UNC5A: variants seen among roughly 807,000 people sequenced by gnomAD.
UNC5A encodes netrin receptor UNC5A.
A neutral mutation model predicts 87.4 loss-of-function variants in UNC5A; 20 were observed. That is an observed-to-expected ratio of 0.23 (90% CI 0.16 to 0.33). The LOEUF (loss-of-function observed/expected upper bound fraction) is 0.33, where lower values mean the gene tolerates loss of function less well. Ranked by LOEUF, UNC5A falls within the 10% of genes least tolerant of loss-of-function variation. UNC5A has a pLI of 1.00. For missense variants in UNC5A, 844 were observed against 1,133.4 expected, an observed-to-expected ratio of 0.74 and a Z score of 3.67; for synonymous variants, 438 against 482.3, an observed-to-expected ratio of 0.91 and a Z score of 1.20.
chr5:176,842,488 C>T (rs919321547), intron 1 of UNC5A, among the ~76,000 whole-genome samples: 15 of 134,204 alleles, frequency 1.1e-4, no homozygotes, highest in Non-Finnish European at 1.9e-4. Flanking sequence ...AATGGAGAAA[C>T]TGTGATATAT....
Position 176,812,205 on chromosome 5 carries a change from G to A in UNC5A, c.70+1385G>A, listed in dbSNP as rs540420474. 4.5e-4 allele frequency among the ~76,000 whole-genome samples: 69 copies of A among 152,322 alleles called. No homozygotes were observed. The South Asian group carries it at 0.013, about 28-fold the overall frequency. On this transcript the variant is annotated intron_variant, in intron 1 of 14. Transcript: ENST00000329542. ...TCCGCCACATGTGTGTGTTAGGGGC[G>A]TGTGTGCAGCTCCGCAGATGAGCAC... is the stretch of plus-strand genomic sequence containing the variant.
At position 176,868,169 on chromosome 5, in the gene UNC5A, A is replaced by G; in HGVS notation, c.332A>G (p.Gln111Arg). The change falls in exon 3 of 15, where the codon CAG (glutamine) becomes CGG (arginine). Residue 111 changes from glutamine to arginine, a missense_variant. Gln to Arg is a conservative substitution (Grantham distance 43). Around this residue, in one of 3 missense-constraint regions of UNC5A, gnomAD observed 314 missense variants for 466.5 expected, o/e 0.67. Transcript: ENST00000329542. ...GAGGTCCGCATTAATGTCTCAAGGC[A>G]GCAGGTCGAGAAGGTGTTCGGGCTG... ...TMEVRINVSRQQVEKVFGLEE... is the reference protein window; with the variant it reads ...TMEVRINVSRRQVEKVFGLEE... 1.2e-6 allele frequency: 2 copies of G among 1,613,624 alleles called. No individual in the cohort carries two copies. Among genetic ancestry groups the G allele is most frequent in the Non-Finnish European group, 1.7e-6 (2 of 1,179,936 alleles).
intron 1 of UNC5A, among the ~76,000 whole-genome samples, chr5:176,814,575 C>T (rs1032757397): frequency 2.6e-5 from 4 of 152,188 alleles, no homozygotes; most frequent in African/African-American, 9.7e-5. Context: ...TCCCAAAGGC[C>T]TCCCACCTCC....
chr5:176,831,352 C>T (rs1029554490), intron 1 of UNC5A, among the ~76,000 whole-genome samples: 17 of 152,104 alleles, frequency 1.1e-4, no homozygotes, highest in African/African-American at 3.9e-4. Flanking sequence ...CTCTCCCTGT[C>T]CCTGGGGCCA....
At position 176,877,910 on chromosome 5, in the gene UNC5A, G is replaced by A. The variant is rs967143351; in HGVS notation, c.1652G>A (p.Gly551Asp). The A allele has an allele frequency of 1.2e-6, 2 of 1,601,734 alleles. No individual in the cohort carries two copies. Among genetic ancestry groups the A allele is most frequent in the Non-Finnish European group, 1.7e-6 (2 of 1,179,292 alleles). ...TGCCCACAGGATGTGCTGCACCTGG[G>A]CGAGGAGGCGCCCTCCCACCTCTAC... ...EGSWEDVLHLGEEAPSHLYYC... is the reference protein window; with the variant it reads ...EGSWEDVLHLDEEAPSHLYYC... Residue 551 changes from glycine to aspartate, a missense_variant, in exon 11 of 15, where the codon GGC becomes GAC. Physicochemically the swap from Gly to Asp is moderately conservative, Grantham distance 94. This residue lies in a region of UNC5A where 353 missense variants were observed against 387.5 expected (regional missense o/e 0.91). Coordinates refer to ENST00000329542, the MANE Select transcript of UNC5A (RefSeq NM_133369.3).
chr5:176,831,885 CTTTTTTTTTT>C (rs10580672), intron 1 of UNC5A, among the ~76,000 whole-genome samples: 5 of 27,700 alleles, frequency 1.8e-4, no homozygotes, highest in East Asian at 1.0e-3. Context: ...TTCTCTCTCT[CTTTTTTTTTT>C]TTTTTTTTTT....
intron 1 of UNC5A, among the ~76,000 whole-genome samples, chr5:176,840,674 G>C (rs964196287): frequency 8.5e-5 from 13 of 152,190 alleles, no homozygotes; most frequent in African/African-American, 2.9e-4. Flanking sequence ...ACAAAAGGGG[G>C]CCTCTCCCCC....
chr5:176,855,804 CCTG>C (rs2113641945), intron 1 of UNC5A, among the ~76,000 whole-genome samples: 1 of 152,332 alleles, frequency 6.6e-6, no homozygotes, highest in South Asian at 2.1e-4. Flanking sequence ...CTCCCCAAGG[CCTG>C]CTGGGCACCA....
chr5:176,877,168 C>G (rs757910883), intron 8 of UNC5A, 24 bp from the exon 9 acceptor site: 1 of 1,588,808 alleles, frequency 6.3e-7, no homozygotes, highest in Non-Finnish European at 8.6e-7. Flanking sequence ...TGGGTAAGCC[C>G]TGGCCCTCTT....
Position 176,869,363 on chromosome 5 carries a change from A to G in UNC5A, c.721+399A>G, listed in dbSNP as rs890627953. ...GAGAGGCTGGGGTCTGGGCTGCAGGAGTGTGTGAGCCGCGGTTCAGCCTGG... is the reference window on the plus strand; with the variant it reads ...GAGAGGCTGGGGTCTGGGCTGCAGGGGTGTGTGAGCCGCGGTTCAGCCTGG... On this transcript the variant is annotated intron_variant, in intron 5 of 14. Coordinates refer to ENST00000329542, the MANE Select transcript of UNC5A (RefSeq NM_133369.3). The surrounding 1 kb of genome is among the most constrained non-coding windows in gnomAD (Gnocchi z 9.1). Among the ~76,000 whole-genome samples the G allele has an allele frequency of 2.0e-5, 3 of 151,948 alleles. No individual in the cohort carries two copies. The highest frequency in any genetic ancestry group is 2.9e-5 in the Non-Finnish European group (2 of 67,900).
chr5:176,873,854 C>G, intron 6 of UNC5A, 114 bp from the exon 7 acceptor site: 2 of 1,090,238 alleles, frequency 1.8e-6, no homozygotes, highest in Non-Finnish European at 2.6e-6. Context: ...TGCTCCCTAG[C>G]TAGTGCAGAT....
Position 176,838,576 on chromosome 5 carries a change from C to A in UNC5A, c.71-24048C>A, listed in dbSNP as rs1003306190. On this transcript the variant is annotated intron_variant, in intron 1 of 14. Coordinates refer to ENST00000329542, the MANE Select transcript of UNC5A (RefSeq NM_133369.3). This position sits in a 1 kb window ranked among gnomAD's most constrained non-coding sequence, Gnocchi z 4.2. ...AGCTGACTTCAGGCAAAGCCTGATG[C>A]GCTGGCTCAGACAACAGCACTCTGG... Among the ~76,000 whole-genome samples the A allele has an allele frequency of 6.6e-6, 1 of 152,272 alleles. No homozygotes were observed.
In UNC5A at chr5:176,848,426, G is replaced by A. The variant is rs952773657; in HGVS notation, c.71-14198G>A. Among the ~76,000 whole-genome samples the A allele has an allele frequency of 6.6e-6, 1 of 152,124 alleles. No homozygotes were observed. Among genetic ancestry groups the A allele is most frequent in the African/African-American group, 2.4e-5 (1 of 41,412 alleles). On this transcript the variant is annotated intron_variant, in intron 1 of 14. Transcript: ENST00000329542. The surrounding 1 kb of genome is among the most constrained non-coding windows in gnomAD (Gnocchi z 5.8). ...CCAAGACCCTAGAGCCCATTAAAGG[G>A]GCAGGAAAGATAATGAACAAATGAG... is the stretch of plus-strand genomic sequence containing the variant.
At chr5:176,873,330 T>C (rs1758178552) in intron 6 of UNC5A, among the ~76,000 whole-genome samples, 1 of 152,156 alleles carries the variant, frequency 6.6e-6, no homozygotes, top group African/African-American at 2.4e-5. Flanking sequence ...TTTTTTTTTT[T>C]CCTCTAGAAC....
At chr5:176,842,510 T>TATATATATATATA (rs1757301926) in intron 1 of UNC5A, among the ~76,000 whole-genome samples, 2 of 151,032 alleles carry the variant, frequency 1.3e-5, no homozygotes, top group African/African-American at 4.9e-5. Context: ...TATATATATA[T>TATATATATATATA]GATGGAATAC....
At chr5:176,830,076 T>C (rs1756961843) in intron 1 of UNC5A, among the ~76,000 whole-genome samples, 1 of 152,118 alleles carries the variant, frequency 6.6e-6, no homozygotes. Flanking sequence ...GGTTTTGCCA[T>C]GTTGGACAGG....
At position 176,866,462 on chromosome 5, in the gene UNC5A, G is replaced by A. The variant is rs958310078; in HGVS notation, c.293-1668G>A. ...GGGAGAAGAAAAGGGAGCGCTTAAA[G>A]GTAGTGCTGTTCTCCCAAGCTGAGC... On this transcript the variant is annotated intron_variant, in intron 2 of 14. Coordinates refer to ENST00000329542, the MANE Select transcript of UNC5A (RefSeq NM_133369.3). The surrounding 1 kb of genome is among the most constrained non-coding windows in gnomAD (Gnocchi z 5.0). Among the ~76,000 whole-genome samples the A allele has an allele frequency of 1.3e-5, 2 of 152,184 alleles. No individual in the cohort carries two copies. Among genetic ancestry groups the A allele is most frequent in the Non-Finnish European group, 2.9e-5 (2 of 68,016 alleles).
chr5:176,869,899 G>A lies in UNC5A; in HGVS notation c.722-471G>A, dbSNP rs1214109719. On this transcript the variant is annotated intron_variant, in intron 5 of 14. Transcript: ENST00000329542. This position sits in a 1 kb window ranked among gnomAD's most constrained non-coding sequence, Gnocchi z 9.1. The stretch of plus-strand genomic sequence containing the variant: ...CCATCCCACCCACCCGCCACGCAGG[G>A]CCAGGCTCAGTCTGAGGCGGGGATC... The A allele has an allele frequency of 3.4e-6, 2 of 582,428 alleles. No individual in the cohort carries two copies. The highest frequency in any genetic ancestry group is 6.1e-6 in the Non-Finnish European group (2 of 325,644). The allele number at this position is 582,428 out of a possible 1,614,324, so 36.1% of individuals were successfully genotyped here. A position where few individuals can be genotyped will look rare whatever the true frequency, so the allele number is the denominator to read the frequency against.
chr5:176,840,705 T>A (rs1246800147), intron 1 of UNC5A, among the ~76,000 whole-genome samples: 10 of 152,188 alleles, frequency 6.6e-5, no homozygotes, highest in African/African-American at 2.4e-4. Context: ...GCGTCCCTGG[T>A]GCCCATCTTC....
Sources: allele counts gnomAD v4.1 joint callset (sites outside exome capture counted in the v4.1 genomes callset), GRCh38; gene constraint gnomAD v4.1.1; regional missense constraint gnomAD v4.1.1; non-coding constraint Gnocchi (gnomAD v3.1); transcripts MANE v1.5; gene names NCBI Gene and HGNC (gene_info 2026-07-23, HGNC 2026-07-21).